Variants in MTSS2 observed in about 807,000 individuals in gnomAD.
MTSS2 encodes the protein protein MTSS 2.
Under a neutral mutation model 67.1 loss-of-function variants are expected in MTSS2, and 27 were observed. The ratio of observed to expected loss-of-function variants is 0.40; its 90% CI spans 0.30 to 0.55. The LOEUF is 0.55. Among genes scored for constraint, MTSS2 ranks in the 20% least tolerant of loss-of-function variants. The probability of loss-of-function intolerance (pLI) is 0.43; values close to 1 mark genes in which losing one functional copy is unlikely to be tolerated. For synonymous variants in MTSS2, 624 were observed against 468.6 expected, an observed-to-expected ratio of 1.33 and a Z score of -4.28; for missense variants, 1,171 against 1,067.8, an observed-to-expected ratio of 1.10 and a Z score of -1.35.
chr16:70,678,445 GC>G (rs1465659777), intron 7 of MTSS2, 36 bp from the exon 8 acceptor site: 5 of 1,583,122 alleles, frequency 3.2e-6, no homozygotes, highest in Non-Finnish European at 4.3e-6. Context: ...TGCTGGGGAT[GC>G]CAGCCTGGCT....
At position 70,679,664 on chromosome 16, in the gene MTSS2, C is replaced by G. The variant is rs961257981; in HGVS notation, c.423G>C (p.Ser141=). The change falls in exon 6 of 15, where the codon TCG becomes TCC. Residue 141 remains serine (S), a synonymous_variant. Transcript: ENST00000338779. ...CCTTCTTCTGCAGCTTCAGCGTGTC[C>G]GACGACTTCTTTTTGATCTCATGCC... ...RARHEIKKKS[S]DTLKLQKKAR... 3 of 1,610,206 alleles carry G rather than the reference C, an allele frequency of 1.9e-6. No individual in the cohort carries two copies. The highest frequency in any genetic ancestry group is 2.5e-6 in the Non-Finnish European group (3 of 1,178,498).
intron 11 of MTSS2, among the ~76,000 whole-genome samples, chr16:70,666,197 G>C (rs571307091): frequency 1.3e-5 from 2 of 152,172 alleles, no homozygotes; most frequent in Admixed American, 6.5e-5. Flanking sequence ...TGCGGAGAAG[G>C]GGGGCAGCTG....
Position 70,678,399 on chromosome 16 carries a change from G to A in MTSS2, c.477C>T (p.Asp159=), listed in dbSNP as rs200833605. 3 of 1,610,874 alleles carry A rather than the reference G, an allele frequency of 1.9e-6. No homozygotes were observed. Among genetic ancestry groups the A allele is most frequent in the Middle Eastern group, 1.7e-4 (1 of 6,022 alleles). The change falls in exon 8 of 15, where the codon GAC becomes GAT. Residue 159 remains aspartate, a synonymous_variant. Coordinates refer to ENST00000338779, the MANE Select transcript of MTSS2 (RefSeq NM_138383.3). ...KARKELLGKG[D]LQPQLDSALQ... is the part of the protein sequence containing the mutation. ...GGGCACTGTCCAGCTGGGGCTGCAG[G>A]TCTCCTTTCCCTGGAGGGGTGGGGA...
intron 11 of MTSS2, among the ~76,000 whole-genome samples, chr16:70,672,362 A>G (rs1386104142): frequency 7.0e-6 from 1 of 143,464 alleles, no homozygotes; most frequent in East Asian, 2.0e-4. Flanking sequence ...AAAAAAAAAA[A>G]GGAAAAGAGA....
At position 70,664,420 on chromosome 16, in the gene MTSS2, C is replaced by T. The variant is rs1433892363; in HGVS notation, c.1501G>A (p.Gly501Arg). 6.5e-7 allele frequency: 1 copy of T among 1,547,096 alleles called. No individual in the cohort carries two copies. The highest frequency in any genetic ancestry group is 8.7e-7 in the Non-Finnish European group (1 of 1,150,448). ...GSDYDCYSVNGDADSEGPPEF... is the reference protein window; with the variant it reads ...GSDYDCYSVNRDADSEGPPEF... ...GGCGGGCCCTCGCTGTCCGCATCCCCATTCACGGAGTAGCAGTCGTAGTCG... is the reference window on the plus strand; with the variant it reads ...GGCGGGCCCTCGCTGTCCGCATCCCTATTCACGGAGTAGCAGTCGTAGTCG... Residue 501 changes from glycine to arginine, a missense_variant, in exon 15 of 15, where the codon GGG becomes AGG. This residue lies in a region of MTSS2 where 924 missense variants were observed against 756.0 expected (regional missense o/e 1.22). Transcript: ENST00000338779.
In MTSS2 at chr16:70,664,508, C is replaced by A. The variant is rs2052623923; in HGVS notation, c.1472-59G>T. ...CAGGTGGCCCCTTGCCCCCAGCCCA[C>A]CAGGGTGAGCACAGAGGGGGAAGGA... On this transcript the variant is annotated intron_variant, in intron 14 of 14. Coordinates refer to ENST00000338779, the MANE Select transcript of MTSS2 (RefSeq NM_138383.3). 1.9e-6 allele frequency: 3 copies of A among 1,558,260 alleles called. No individual in the cohort carries two copies. In the Admixed American group the frequency reaches 5.3e-5, roughly 28 times the overall value.
intron 8 of MTSS2, 81 bp downstream of exon 8, chr16:70,678,171 G>A: frequency 1.3e-6 from 2 of 1,504,020 alleles, no homozygotes; most frequent in Non-Finnish European, 1.8e-6. Context: ...GGACTGCTGA[G>A]AAGTGACCCT....
intron 10 of MTSS2, among the ~76,000 whole-genome samples, chr16:70,676,066 T>C (rs2053106793): frequency 6.6e-6 from 1 of 152,230 alleles, no homozygotes; most frequent in Non-Finnish European, 1.5e-5. Context: ...TAGTAGCTGA[T>C]TGCTGTGCCT....
chr16:70,679,939 C>G, intron 4 of MTSS2, 32 bp downstream of exon 4: 1 of 1,497,550 alleles, frequency 6.7e-7, no homozygotes, highest in Non-Finnish European at 8.9e-7. Context: ...CCCGTCCCCC[C>G]GCCCCCCTGC....
chr16:70,672,481 T>C (rs1286166399), intron 11 of MTSS2, among the ~76,000 whole-genome samples: 1 of 151,810 alleles, frequency 6.6e-6, no homozygotes, highest in East Asian at 1.9e-4. Flanking sequence ...TTACTTAGTA[T>C]TATACCAGTG....
chr16:70,664,862 C>A (rs561658719), intron 13 of MTSS2, 58 bp downstream of exon 13: 111 of 1,514,192 alleles, frequency 7.3e-5, no homozygotes, highest in Non-Finnish European at 6.2e-6. Context: ...GCCCTGAGGC[C>A]ACTGGCTGGG....
intron 1 of MTSS2, among the ~76,000 whole-genome samples, chr16:70,682,294 A>T (rs1371739394): frequency 1.3e-5 from 2 of 152,180 alleles, no homozygotes; most frequent in African/African-American, 4.8e-5. Flanking sequence ...GGGCCTGGGA[A>T]GCTGTTCCTA....
chr16:70,672,891 T>C (rs189266971), intron 11 of MTSS2, among the ~76,000 whole-genome samples: 14 of 152,228 alleles, frequency 9.2e-5, no homozygotes, highest in South Asian at 4.2e-4. Context: ...CTGGGCGCGG[T>C]TGCTCACACC....
chr16:70,669,255 C>T (rs1051900473), intron 11 of MTSS2, among the ~76,000 whole-genome samples: 2 of 151,822 alleles, frequency 1.3e-5, no homozygotes, highest in African/African-American at 2.4e-5. Context: ...AGAAGATATC[C>T]GATGAGGAAC....
rs2053441698 is a variant in MTSS2, at chr16:70,685,839, G to A, written c.-48C>T. The A allele has an allele frequency of 4.3e-6, 5 of 1,175,978 alleles. No homozygotes were observed. The highest frequency in any genetic ancestry group is 5.3e-6 in the Non-Finnish European group (5 of 935,016). The allele number at this position is 1,175,978 out of a possible 1,614,324, so 72.8% of individuals were successfully genotyped here. On this transcript the variant is annotated 5_prime_UTR_variant, in exon 1 of 15. Transcript: ENST00000338779. ...GCGGCGGCTAGGCGCACGGAGCGCGGGGAGCAGCGCAAGGGAGGGGGCCAG... is the reference window on the plus strand; with the variant it reads ...GCGGCGGCTAGGCGCACGGAGCGCGAGGAGCAGCGCAAGGGAGGGGGCCAG...
rs116173548 is a variant in MTSS2, at chr16:70,674,705, G to A, written c.831-177C>T. Among the ~76,000 whole-genome samples, 775 of 152,310 alleles carry A rather than the reference G, an allele frequency of 5.1e-3. 7 individuals are homozygous for A. The highest frequency in any genetic ancestry group is 0.017 in the African/African-American group (716 of 41,568). ...CTACACAGGAGCTGTGTTCTGGGAC[G>A]GTGTGGAAGGGGAGGGCCAGAGCAG... On this transcript the variant is annotated intron_variant, in intron 10 of 14. Transcript: ENST00000338779.
chr16:70,661,970 C>T lies in MTSS2; in HGVS notation c.*1707G>A, dbSNP rs1187571599. 6.5e-6 allele frequency: 1 copy of T among 153,390 alleles called. No homozygotes were observed. Among genetic ancestry groups the T allele is most frequent in the Non-Finnish European group, 1.5e-5 (1 of 68,962 alleles). The allele number at this position is 153,390 out of a possible 1,614,324, so 9.5% of individuals were successfully genotyped here. ...GCTCTCCTGGCCCCTAAAACCGGGG[C>T]TCTGGTGTTGGCCTGAGCTCCACGG... On this transcript the variant is annotated 3_prime_UTR_variant, in exon 15 of 15. Coordinates refer to ENST00000338779, the MANE Select transcript of MTSS2 (RefSeq NM_138383.3).
Position 70,663,689 on chromosome 16 carries a change from G to T in MTSS2, c.2232C>A (p.Pro744=), listed in dbSNP as rs762859285. The T allele has an allele frequency of 3.8e-6, 6 of 1,585,676 alleles. No homozygotes were observed. Among genetic ancestry groups the T allele is most frequent in the Non-Finnish European group, 5.1e-6 (6 of 1,166,978 alleles). ...GAGGGTGGCGCCATCATAAGATGCG[G>T]GGCGCCGACCTGTCGTTGGTGACGG... ...RRTVTNDRSA[P]RIL is the part of the protein sequence containing the mutation. Residue 744 remains proline (P), a synonymous_variant, in exon 15 of 15, where the codon CCC becomes CCA. Transcript: ENST00000338779.
chr16:70,667,736 G>A (rs971961949), intron 11 of MTSS2, among the ~76,000 whole-genome samples: 4 of 151,984 alleles, frequency 2.6e-5, no homozygotes, highest in Non-Finnish European at 5.9e-5. Flanking sequence ...AGCCCGGCGT[G>A]GTGGTACATG....
Sources: allele counts gnomAD v4.1 joint callset (sites outside exome capture counted in the v4.1 genomes callset), GRCh38; gene constraint gnomAD v4.1.1; regional missense constraint gnomAD v4.1.1; transcripts MANE v1.5; gene names NCBI Gene and HGNC (gene_info 2026-07-23, HGNC 2026-07-21).